The following SNX13 variants were observed in gnomAD, a reference collection of about 807,000 sequenced individuals.
SNX13 encodes the protein sorting nexin-13.
In SNX13, 45 loss-of-function variants were observed where a neutral mutation model predicts 133.6. That is an observed-to-expected ratio of 0.34 (90% CI 0.27 to 0.43). The LOEUF (loss-of-function observed/expected upper bound fraction) is 0.43. Ranked by LOEUF, SNX13 falls within the 20% of genes least tolerant of loss-of-function variation. SNX13 has a pLI of 1.00. For synonymous variants in SNX13, 414 were observed against 373.9 expected, an observed-to-expected ratio of 1.11 and a Z score of -1.24; for missense variants, 1,032 against 1,145.1, an observed-to-expected ratio of 0.90 and a Z score of 1.43.
At chr7:17,832,875 T>G (rs1158524929) in intron 15 of SNX13, among the ~76,000 whole-genome samples, 4 of 151,452 alleles carry the variant, frequency 2.6e-5, no homozygotes, top group African/African-American at 9.7e-5. Context: ...TCTTAGATTA[T>G]TTAAAAAACA....
chr7:17,837,625 A>G (rs1789299961), intron 13 of SNX13, among the ~76,000 whole-genome samples: 2 of 152,010 alleles, frequency 1.3e-5, no homozygotes, highest in African/African-American at 4.8e-5. Context: ...CTATAAATTC[A>G]TCATATAGGC....
intron 5 of SNX13, among the ~76,000 whole-genome samples, chr7:17,885,784 TGCCACTGCACTCCA>T (rs1306097616): frequency 6.6e-6 from 1 of 152,174 alleles, no homozygotes; most frequent in Non-Finnish European, 1.5e-5. Flanking sequence ...GCCGAGATCG[TGCCACTGCACTCCA>T]GCCTAGGTGA....
intron 13 of SNX13, among the ~76,000 whole-genome samples, chr7:17,837,177 C>T (rs1048558427): frequency 4.0e-5 from 6 of 151,842 alleles, no homozygotes; most frequent in Non-Finnish European, 8.8e-5. Context: ...GCTCTGTTAC[C>T]CAGGCTGGAG....
At chr7:17,894,733 A>AC (rs1452204529) in intron 2 of SNX13, among the ~76,000 whole-genome samples, 3 of 152,194 alleles carry the variant, frequency 2.0e-5, no homozygotes, top group African/African-American at 7.2e-5. Flanking sequence ...ATGATCTTAT[A>AC]GTAATGTTAC....
chr7:17,899,777 T>C (rs1797613346), intron 1 of SNX13: 1 of 152,156 alleles, frequency 6.6e-6, no homozygotes, highest in Non-Finnish European at 1.5e-5. Context: ...AAAGGACACA[T>C]ATCTCTGTCT....
intron 15 of SNX13, chr7:17,830,891 A>T: frequency 6.1e-6 from 6 of 984,436 alleles, no homozygotes; most frequent in Non-Finnish European, 7.2e-6. Context: ...CAACACTACT[A>T]TTCCTACAAG....
intron 1 of SNX13, among the ~76,000 whole-genome samples, chr7:17,912,643 C>T (rs867782986): frequency 6.6e-6 from 1 of 152,146 alleles, no homozygotes; most frequent in African/African-American, 2.4e-5. Context: ...AACTTCTGAC[C>T]TCAAGTCATC....
intron 7 of SNX13, among the ~76,000 whole-genome samples, chr7:17,873,878 T>C (rs969821228): frequency 7.2e-5 from 11 of 152,190 alleles, no homozygotes; most frequent in Admixed American, 2.6e-4. Flanking sequence ...TCGTTACAAG[T>C]CTTTTTTCCC....
At chr7:17,890,265 C>T in intron 5 of SNX13, 98 bp downstream of exon 5, 1 of 1,191,676 alleles carries the variant, frequency 8.4e-7, no homozygotes, top group Non-Finnish European at 1.1e-6. Flanking sequence ...TTCTACTTAC[C>T]TTTTAATAAA....
intron 11 of SNX13, among the ~76,000 whole-genome samples, chr7:17,846,236 C>A: frequency 6.6e-6 from 1 of 151,316 alleles, no homozygotes. Context: ...AAGGAAACAA[C>A]CTACATATGA....
At chr7:17,937,803 A>G (rs1175461564) in intron 1 of SNX13, among the ~76,000 whole-genome samples, 2 of 152,160 alleles carry the variant, frequency 1.3e-5, no homozygotes, top group African/African-American at 2.4e-5. Flanking sequence ...AACTTTCTCA[A>G]CCTGTTTTAT....
At chr7:17,877,045 G>GAAAAAAAAAAAAAAAAA (rs57618763) in intron 5 of SNX13, among the ~76,000 whole-genome samples, 2 of 60,076 alleles carry the variant, frequency 3.3e-5, no homozygotes, top group African/African-American at 1.0e-4. Flanking sequence ...GTTACTTTTT[G>GAAAAAAAAAAAAAAAAA]AAAAAAAAAA....
intron 19 of SNX13, among the ~76,000 whole-genome samples, chr7:17,815,434 C>T (rs182711966): frequency 6.6e-5 from 10 of 152,058 alleles, no homozygotes; most frequent in Non-Finnish European, 1.0e-4. Context: ...AAATTTAAAA[C>T]ATTAGCCAGG....
intron 20 of SNX13, among the ~76,000 whole-genome samples, chr7:17,808,082 G>A (rs1426638078): frequency 6.6e-6 from 1 of 152,178 alleles, no homozygotes; most frequent in Non-Finnish European, 1.5e-5. Context: ...TGCTAGCAAA[G>A]GAACAAAACT....
At chr7:17,827,545 G>A (rs1228370180) in intron 16 of SNX13, among the ~76,000 whole-genome samples, 1 of 151,894 alleles carries the variant, frequency 6.6e-6, no homozygotes, top group African/African-American at 2.4e-5. Context: ...GTTAAGAGAA[G>A]CAAAATGTGA....
Position 17,794,132 on chromosome 7 carries a change from G to A in SNX13, c.2787C>T (p.Phe929=), listed in dbSNP as rs775876431. Residue 929 remains phenylalanine, a synonymous_variant, in exon 26 of 26, where the codon TTC becomes TTT. Transcript: ENST00000428135. ...LFPQYKFREL[F]NKLHSRSKQM... ...GCTTTGACCGTGAATGCAGTTTGTT[G>A]AAAAGTTCACGGAATTTATACTGTG... is the stretch of plus-strand genomic sequence containing the variant. 6 of 1,611,644 alleles carry A rather than the reference G, an allele frequency of 3.7e-6. No individual in the cohort carries two copies. Among genetic ancestry groups the A allele is most frequent in the Non-Finnish European group, 5.1e-6 (6 of 1,178,418 alleles).
At chr7:17,811,594 C>T (rs973904406) in intron 20 of SNX13, among the ~76,000 whole-genome samples, 7 of 152,014 alleles carry the variant, frequency 4.6e-5, no homozygotes, top group Admixed American at 2.0e-4. Flanking sequence ...ACAGATTCAA[C>T]GATATCCCCA....
intron 1 of SNX13, among the ~76,000 whole-genome samples, chr7:17,900,472 A>G (rs992760296): frequency 3.9e-5 from 6 of 152,226 alleles, no homozygotes; most frequent in African/African-American, 1.4e-4. Context: ...TGGAAACCTC[A>G]GGAATCTACC....
chr7:17,797,298 T>G (rs544326297), intron 24 of SNX13, among the ~76,000 whole-genome samples: 1 of 151,834 alleles, frequency 6.6e-6, no homozygotes, highest in South Asian at 2.1e-4. Flanking sequence ...CTACAATATC[T>G]TGAATCTCAA....
Sources: gnomAD v4.1 joint callset for allele counts (sites outside exome capture counted in the v4.1 genomes callset) on GRCh38, gnomAD v4.1.1 for gene constraint, MANE v1.5 for transcripts, NCBI Gene and HGNC (gene_info 2026-07-23, HGNC 2026-07-21) for gene names.